Variants in PPHLN1 observed in about 807,000 individuals in gnomAD.
PPHLN1 encodes periphilin-1.
A neutral mutation model predicts 51.3 loss-of-function variants in PPHLN1; 29 were observed. The observed-to-expected ratio is 0.57, with a 90% confidence interval of 0.42 to 0.77. The LOEUF is 0.77. Among genes scored for constraint, PPHLN1 ranks in the 30% least tolerant of loss-of-function variants. PPHLN1 has a pLI of 0.00. For synonymous variants in PPHLN1, 147 were observed against 147.8 expected (o/e 0.99, Z 0.04); for missense variants, 436 against 438.4 (o/e 0.99, Z 0.05).
chr12:42,419,472 G>C (rs1480196533), intron 9 of PPHLN1, among the ~76,000 whole-genome samples: 1 of 152,190 alleles, frequency 6.6e-6, no homozygotes, highest in African/African-American at 2.4e-5. Flanking sequence ...GACCTCAGGT[G>C]ATCCGCCTGC....
At chr12:42,350,598 G>C (rs2073177911) in intron 2 of PPHLN1, among the ~76,000 whole-genome samples, 1 of 152,178 alleles carries the variant, frequency 6.6e-6, no homozygotes, top group South Asian at 2.1e-4. Flanking sequence ...CAGCACTTTG[G>C]GAGGCCAAGG....
intron 4 of PPHLN1, 100 bp from the exon 5 acceptor site, chr12:42,374,763 C>T: frequency 9.6e-7 from 1 of 1,037,226 alleles, no homozygotes; most frequent in South Asian, 1.7e-5. Context: ...CCCAAGAGTA[C>T]AATTTAAAGG....
intron 1 of PPHLN1, among the ~76,000 whole-genome samples, chr12:42,335,623 G>A (rs1197261261): frequency 1.3e-5 from 2 of 150,832 alleles, no homozygotes; most frequent in African/African-American, 4.9e-5. Flanking sequence ...TCCCATAATT[G>A]ATGGCAACAA....
chr12:42,399,983 C>G (rs1223243007), intron 9 of PPHLN1: 2 of 152,104 alleles, frequency 1.3e-5, no homozygotes, highest in African/African-American at 4.8e-5. Flanking sequence ...CTCAGTATAT[C>G]TATCTTTAAC....
intron 2 of PPHLN1, among the ~76,000 whole-genome samples, chr12:42,351,023 G>C (rs908442030): frequency 6.6e-6 from 1 of 151,990 alleles, no homozygotes; most frequent in Non-Finnish European, 1.5e-5. Context: ...GAGGGGAAGA[G>C]GGAGAGGGTT....
At chr12:42,382,349 A>G (rs1377163281) in intron 5 of PPHLN1, among the ~76,000 whole-genome samples, 2 of 152,080 alleles carry the variant, frequency 1.3e-5, no homozygotes, top group Admixed American at 6.6e-5. Context: ...TCACTCATCA[A>G]TATATAGACA....
chr12:42,333,885 T>C (rs1184569576), intron 1 of PPHLN1, among the ~76,000 whole-genome samples: 1 of 152,220 alleles, frequency 6.6e-6, no homozygotes, highest in Non-Finnish European at 1.5e-5. Context: ...CATTATAGTT[T>C]TGGTTTTCAT....
intron 5 of PPHLN1, chr12:42,375,318 T>TTTG: frequency 6.8e-6 from 2 of 294,114 alleles, no homozygotes; most frequent in Non-Finnish European, 1.2e-5. Context: ...GTAAAAGGTT[T>TTTG]TTTTTTTTTT....
At chr12:42,440,436 C>G (rs1420756219) in intron 9 of PPHLN1, among the ~76,000 whole-genome samples, 1 of 152,172 alleles carries the variant, frequency 6.6e-6, no homozygotes, top group African/African-American at 2.4e-5. Context: ...GATTTTTCAG[C>G]TAGCTTTCTG....
At chr12:42,447,472 C>A (rs948486232), downstream of PPHLN1, 4 of 152,170 alleles carry the variant, frequency 2.6e-5, no homozygotes, top group Non-Finnish European at 1.5e-5. Context: ...TGGAAACAAC[C>A]CCTCATCCAA....
intron 1 of PPHLN1, among the ~76,000 whole-genome samples, chr12:42,327,376 C>G (rs1437451866): frequency 3.3e-5 from 5 of 152,144 alleles, no homozygotes; most frequent in Non-Finnish European, 7.3e-5. Context: ...TCAGTTGAGC[C>G]CTTTCTCTGA....
At chr12:42,382,478 T>G (rs2076837864) in intron 5 of PPHLN1, among the ~76,000 whole-genome samples, 1 of 152,144 alleles carries the variant, frequency 6.6e-6, no homozygotes, top group Non-Finnish European at 1.5e-5. Flanking sequence ...GTTTTCAACC[T>G]TTTTACCTTG....
downstream of PPHLN1, chr12:42,447,523 G>T (rs1236601631): frequency 1.3e-5 from 2 of 152,362 alleles, no homozygotes; most frequent in East Asian, 3.9e-4. Context: ...CAATTAAGAT[G>T]AATTCCACTC....
chr12:42,330,999 G>C (rs375747732), intron 1 of PPHLN1, among the ~76,000 whole-genome samples: 3 of 152,178 alleles, frequency 2.0e-5, no homozygotes, highest in Non-Finnish European at 4.4e-5. Flanking sequence ...GTGAGCCACC[G>C]TGCCCAGCCA....
At chr12:42,438,363 C>G (rs554490067) in intron 9 of PPHLN1, among the ~76,000 whole-genome samples, 1 of 152,208 alleles carries the variant, frequency 6.6e-6, no homozygotes, top group South Asian at 2.1e-4. Context: ...GGATTTTAAG[C>G]TGTGGATTTA....
chr12:42,448,519 ATT>A, downstream of PPHLN1: 1 of 152,272 alleles, frequency 6.6e-6, no homozygotes, highest in East Asian at 1.9e-4. Flanking sequence ...TAAAATTTTC[ATT>A]GTCTTGCCAT....
chr12:42,361,743 A>G (rs989834482), intron 4 of PPHLN1: 2 of 152,218 alleles, frequency 1.3e-5, no homozygotes, highest in Non-Finnish European at 2.9e-5. Context: ...TTCTATTGAC[A>G]GTGTTGAATA....
chr12:42,335,745 C>A, intron 1 of PPHLN1, 138 bp from the exon 2 acceptor site: 16 of 190,022 alleles, frequency 8.4e-5, no homozygotes, highest in East Asian at 1.7e-4. Context: ...AACATTCTTT[C>A]TTTTGGTCAC....
At chr12:42,399,375 A>T in intron 9 of PPHLN1, 1 of 868,042 alleles carries the variant, frequency 1.2e-6, no homozygotes, top group Non-Finnish European at 1.4e-6. Context: ...ATTATACTTT[A>T]AGGTAGTTTC....
Sources: allele counts gnomAD v4.1 joint callset (sites outside exome capture counted in the v4.1 genomes callset), GRCh38; gene constraint gnomAD v4.1.1; transcripts MANE v1.5; gene names NCBI Gene and HGNC (gene_info 2026-07-23, HGNC 2026-07-21).